Variants in NAALAD2 observed in about 807,000 individuals in gnomAD.
NAALAD2 encodes the protein N-acetylated alpha-linked acidic dipeptidase 2.
NAALAD2 carries 89 observed loss-of-function variants against 95.6 expected under a neutral mutation model. That is an observed-to-expected ratio of 0.93 (90% CI 0.78 to 1.11). The LOEUF (loss-of-function observed/expected upper bound fraction) is 1.11. Among genes scored for constraint, NAALAD2 ranks in the 50% least tolerant of loss-of-function variants. The pLI is 0.00. For missense variants in NAALAD2, 894 were observed against 872.4 expected, an observed-to-expected ratio of 1.02 and a Z score of -0.31; for synonymous variants, 264 against 294.4, an observed-to-expected ratio of 0.90 and a Z score of 1.06.
At chr11:90,142,610 A>T (rs1263960862) in intron 2 of NAALAD2, among the ~76,000 whole-genome samples, 1 of 152,128 alleles carries the variant, frequency 6.6e-6, no homozygotes, top group East Asian at 1.9e-4. Flanking sequence ...TTGTAATCTT[A>T]ATTTAAGTAT....
At chr11:90,165,446 T>A (rs2134927668) in intron 11 of NAALAD2, among the ~76,000 whole-genome samples, 1 of 152,332 alleles carries the variant, frequency 6.6e-6, no homozygotes, top group African/African-American at 2.4e-5. Context: ...TTTATAGAGC[T>A]GTTTTAAAAT....
chr11:90,168,188 A>G lies in NAALAD2; in HGVS notation c.1279-741A>G, dbSNP rs960255848. On this transcript the variant is annotated intron_variant, in intron 11 of 18. Transcript: ENST00000534061. ...AGTAACACTCACCGTGAAGGTCTGC[A>G]GCTTCACTTCTGAGCCAGCGAGACC... Among the ~76,000 whole-genome samples the G allele has an allele frequency of 2.6e-5, 4 of 152,204 alleles. No homozygotes were observed. The East Asian group carries it at 7.7e-4, about 29-fold the overall frequency.
At chr11:90,189,737 C>G (rs34890174) in intron 18 of NAALAD2, among the ~76,000 whole-genome samples, 18,598 of 151,652 alleles carry the variant, frequency 0.12, 1,243 homozygotes, top group South Asian at 0.17. Context: ...CCACTGCACT[C>G]CAGCCTGGGC....
chr11:90,155,521 ATAT>A (rs1409743905), intron 6 of NAALAD2, among the ~76,000 whole-genome samples: 7 of 116,272 alleles, frequency 6.0e-5, no homozygotes, highest in East Asian at 2.3e-4. Context: ...ATATAATTAC[ATAT>A]TATATATGCT....
intron 8 of NAALAD2, among the ~76,000 whole-genome samples, chr11:90,160,136 T>C (rs1274841370): frequency 6.6e-6 from 1 of 152,148 alleles, no homozygotes; most frequent in Admixed American, 6.5e-5. Flanking sequence ...TTACTGTTAT[T>C]AATACATGAT....
At chr11:90,140,099 A>C (rs1951569020) in intron 2 of NAALAD2, among the ~76,000 whole-genome samples, 2 of 152,176 alleles carry the variant, frequency 1.3e-5, no homozygotes, top group African/African-American at 4.8e-5. Context: ...TAAGCAATTT[A>C]CTGGAGAAAC....
Position 90,191,657 on chromosome 11 carries a change from TC to T in NAALAD2, c.2134del (p.Arg712ValfsTer7). ...TTGATATTGAAAATAAAGCCAACTC[TC>T]GTTTGGCCTGGAAAGAAGTAAAGAA... is the stretch of plus-strand genomic sequence containing the variant. The part of the protein sequence containing the change: ...IFDIENKANS[R>X]LAWKEVKKHI... On this transcript the variant is annotated frameshift_variant, in exon 19 of 19. Transcript: ENST00000534061. LOFTEE classifies it high-confidence loss of function. 6.2e-7 allele frequency: 1 copy of T among 1,605,802 alleles called. No individual in the cohort carries two copies. Among genetic ancestry groups the T allele is most frequent in the Non-Finnish European group, 8.5e-7 (1 of 1,176,122 alleles).
intron 11 of NAALAD2, among the ~76,000 whole-genome samples, chr11:90,165,265 A>C (rs1456418266): frequency 1.3e-5 from 2 of 152,144 alleles, no homozygotes; most frequent in African/African-American, 4.8e-5. Context: ...ATTATGAATA[A>C]TGCTGCAATG....
Position 90,170,057 on chromosome 11 carries a change from T to C in NAALAD2, c.1343-12T>C, listed in dbSNP as rs761386865. Reference sequence around the variant, plus strand: ...GTATGAAATAATACTCTGTGTCTTATTTATTTTTCAGGCAATTATACTCTC... The same window carrying C: ...GTATGAAATAATACTCTGTGTCTTACTTATTTTTCAGGCAATTATACTCTC... On this transcript the variant is annotated splice_polypyrimidine_tract_variant and intron_variant, in intron 12 of 18. Coordinates refer to ENST00000534061, the MANE Select transcript of NAALAD2 (RefSeq NM_005467.4). The C allele has an allele frequency of 8.0e-6, 12 of 1,496,496 alleles. No homozygotes were observed. The highest frequency in any genetic ancestry group is 2.3e-5 in the East Asian group (1 of 44,154). The allele number at this position is 1,496,496 out of a possible 1,614,324, so 92.7% of individuals were successfully genotyped here.
At chr11:90,141,276 GC>G (rs1443454004) in intron 2 of NAALAD2, among the ~76,000 whole-genome samples, 3 of 152,116 alleles carry the variant, frequency 2.0e-5, no homozygotes, top group Non-Finnish European at 4.4e-5. Context: ...TATTGGTGGA[GC>G]TTTGATAGGA....
intron 18 of NAALAD2, among the ~76,000 whole-genome samples, chr11:90,185,179 C>T (rs1445204350): frequency 6.6e-6 from 1 of 151,290 alleles, no homozygotes; most frequent in Admixed American, 6.6e-5. Flanking sequence ...CATTTATATA[C>T]TATATATGCA....
chr11:90,176,560 G>T (rs1223530851), intron 15 of NAALAD2, among the ~76,000 whole-genome samples: 1 of 152,142 alleles, frequency 6.6e-6, no homozygotes, highest in African/African-American at 2.4e-5. Flanking sequence ...CTTTTAACTT[G>T]ATCCCCTTTT....
At chr11:90,147,641 G>A (rs781391325) in intron 3 of NAALAD2, 125 bp downstream of exon 3, 14 of 867,294 alleles carry the variant, frequency 1.6e-5, no homozygotes, top group Non-Finnish European at 1.7e-5. Context: ...CTATGTGTTC[G>A]ACATGGTGTT....
At chr11:90,169,828 CTG>C (rs1483026267) in intron 12 of NAALAD2, 4 of 463,356 alleles carry the variant, frequency 8.6e-6, no homozygotes, top group Non-Finnish European at 1.5e-5. Flanking sequence ...CTTATAATCA[CTG>C]TGACAGCTGC....
At chr11:90,154,029 TCCTCTC>T in intron 6 of NAALAD2, among the ~76,000 whole-genome samples, 1 of 30,098 alleles carries the variant, frequency 3.3e-5, no homozygotes, top group African/African-American at 6.8e-5. Context: ...TGCCCTTCCT[TCCTCTC>T]TCTCTCTCTC....
chr11:90,136,831 C>T (rs1951463956), intron 2 of NAALAD2, among the ~76,000 whole-genome samples: 1 of 151,996 alleles, frequency 6.6e-6, no homozygotes. Flanking sequence ...AAGAAAATGC[C>T]TAAGATAAGT....
At chr11:90,154,671 T>A (rs1642715993) in intron 6 of NAALAD2, among the ~76,000 whole-genome samples, 1 of 151,374 alleles carries the variant, frequency 6.6e-6, no homozygotes, top group Non-Finnish European at 1.5e-5. Flanking sequence ...TCATCTTCAC[T>A]TTTTTGCAAG....
At chr11:90,145,245 C>T (rs1026930363) in intron 2 of NAALAD2, among the ~76,000 whole-genome samples, 1 of 152,142 alleles carries the variant, frequency 6.6e-6, no homozygotes, top group African/African-American at 2.4e-5. Flanking sequence ...ATGCCTGGCG[C>T]TGTAATGCCC....
At chr11:90,158,067 C>T (rs994816199) in intron 6 of NAALAD2, 78 bp from the exon 7 acceptor site, 35 of 1,087,258 alleles carry the variant, frequency 3.2e-5, no homozygotes, top group Admixed American at 1.0e-4. Flanking sequence ...AAATCTGCAA[C>T]GGTTATGCAA....
Sources: allele counts gnomAD v4.1 joint callset (sites outside exome capture counted in the v4.1 genomes callset), GRCh38; gene constraint gnomAD v4.1.1; transcripts MANE v1.5; gene names NCBI Gene and HGNC (gene_info 2026-07-23, HGNC 2026-07-21).